Variants in GPR26 observed in about 807,000 individuals in gnomAD.
The protein encoded by GPR26 is G protein-coupled receptor 26.
Under a neutral mutation model 23.1 loss-of-function variants are expected in GPR26, and 15 were observed. The observed-to-expected ratio is 0.65, with a 90% confidence interval of 0.43 to 1.00. The LOEUF is 1.00. Among genes scored for constraint, GPR26 ranks in the 50% least tolerant of loss-of-function variants. The pLI is 0.00. For synonymous variants in GPR26, 228 were observed against 222.1 expected (o/e 1.03, Z -0.24); for missense variants, 359 against 470.5 (o/e 0.76, Z 2.19).
In GPR26 at chr10:123,689,484, C is replaced by G. The variant is rs1845468441; in HGVS notation, c.*1324C>G. The G allele has an allele frequency of 1.3e-5, 2 of 152,176 alleles. No individual in the cohort carries two copies. The highest frequency in any genetic ancestry group is 2.9e-5 in the Non-Finnish European group (2 of 68,050). The allele number at this position is 152,176 out of a possible 1,614,324, so 9.4% of individuals were successfully genotyped here. On this transcript the variant is annotated 3_prime_UTR_variant, in exon 3 of 3. Transcript: ENST00000284674. The stretch of plus-strand genomic sequence containing the variant: ...TGCTTTCTGGCCATCTCTTCTTTGT[C>G]TACCATTTCAAATTGACTTGTGAAT...
chr10:123,681,515 G>A (rs905325439), intron 2 of GPR26, among the ~76,000 whole-genome samples: 3 of 152,206 alleles, frequency 2.0e-5, no homozygotes, highest in Non-Finnish European at 2.9e-5. Context: ...CACCCGCCTT[G>A]TACCTTATAA....
chr10:123,678,137 T>C (rs1408664755), intron 2 of GPR26, among the ~76,000 whole-genome samples: 1 of 152,200 alleles, frequency 6.6e-6, no homozygotes, highest in East Asian at 1.9e-4. Context: ...AGTGAAATGA[T>C]AAAGTTAAAT....
rs904125026 is a variant in GPR26 at position 123,697,311 on chromosome 10, T to C, written c.*9151T>C. Among the ~76,000 whole-genome samples the C allele has an allele frequency of 6.6e-6, 1 of 152,192 alleles. No homozygotes were observed. The highest frequency in any genetic ancestry group is 2.4e-5 in the African/African-American group (1 of 41,450). On this transcript the variant is annotated 3_prime_UTR_variant, in exon 3 of 3. Transcript: ENST00000284674. The stretch of plus-strand genomic sequence containing the variant: ...TGTTTTGTGGATACATATCAAATGC[T>C]GTAATATATTTTTATGATAGAATTG...
chr10:123,684,266 A>G (rs1329310728), intron 2 of GPR26, among the ~76,000 whole-genome samples: 1 of 152,106 alleles, frequency 6.6e-6, no homozygotes, highest in Admixed American at 6.5e-5. Context: ...GAGGGTGGCA[A>G]GGGGCGGCAC....
In GPR26 at chr10:123,696,727, G is replaced by A. The variant is rs537297772; in HGVS notation, c.*8567G>A. Among the ~76,000 whole-genome samples, 133 of 152,326 alleles carry A rather than the reference G, an allele frequency of 8.7e-4. 1 individual carries two copies. The highest frequency in any genetic ancestry group is 3.0e-3 in the African/African-American group (123 of 41,570). Reference sequence around the variant, plus strand: ...GACATCTGTGTGTTTGTGTTGGAGTGAATGTGCCCATAACCCTGTGCTCCC... The same window carrying A: ...GACATCTGTGTGTTTGTGTTGGAGTAAATGTGCCCATAACCCTGTGCTCCC... On this transcript the variant is annotated 3_prime_UTR_variant, in exon 3 of 3. Transcript: ENST00000284674.
In GPR26 at chr10:123,686,157, A is replaced by G. The variant is rs538886569; in HGVS notation, c.783-1772A>G. On this transcript the variant is annotated intron_variant, in intron 2 of 2. Coordinates refer to ENST00000284674, the MANE Select transcript of GPR26 (RefSeq NM_153442.4). ...GGTTTGATGATATCTGGTTCTTTCA[A>G]TAAATCCTTTTGGGAGAGCCAAAAT... Among the ~76,000 whole-genome samples the G allele has an allele frequency of 2.0e-5, 3 of 152,362 alleles. 1 individual carries two copies. Among genetic ancestry groups the G allele is most frequent in the South Asian group, 2.1e-4 (1 of 4,828 alleles).
At chr10:123,668,967 G>GCAAA (rs1845220623) in intron 1 of GPR26, among the ~76,000 whole-genome samples, 1 of 152,216 alleles carries the variant, frequency 6.6e-6, no homozygotes, top group Non-Finnish European at 1.5e-5. Context: ...CCCTCTGGCC[G>GCAAA]ATGTCAGGCC....
At chr10:123,667,561 CTGTGTGTG>C (rs71026066) in intron 1 of GPR26, among the ~76,000 whole-genome samples, 5,755 of 125,018 alleles carry the variant, frequency 0.046, 175 homozygotes, top group Non-Finnish European at 0.059. Flanking sequence ...TGTCTCACGA[CTGTGTGTG>C]TGTGTGTGTG....
chr10:123,687,010 C>T (rs1845436926), intron 2 of GPR26, among the ~76,000 whole-genome samples: 1 of 151,992 alleles, frequency 6.6e-6, no homozygotes, highest in African/African-American at 2.4e-5. Context: ...GAGTAAATGG[C>T]CTGATTTGGG....
chr10:123,683,433 G>T (rs1387046212), intron 2 of GPR26, among the ~76,000 whole-genome samples: 1 of 152,268 alleles, frequency 6.6e-6, no homozygotes, highest in Non-Finnish European at 1.5e-5. Context: ...GTCAGGGGCT[G>T]CAGGGGTTAT....
intron 2 of GPR26, among the ~76,000 whole-genome samples, chr10:123,675,833 C>CGTGTGTGTGTATGTGTGT (rs1845302851): frequency 3.0e-5 from 4 of 134,096 alleles, no homozygotes; most frequent in Non-Finnish European, 6.4e-5. Context: ...TGTGTGTGTA[C>CGTGTGTGTGTATGTGTGT]GTGTGTGTGT....
At chr10:123,672,164 C>T (rs1439486846) in intron 1 of GPR26, among the ~76,000 whole-genome samples, 1 of 152,176 alleles carries the variant, frequency 6.6e-6, no homozygotes, top group Non-Finnish European at 1.5e-5. Context: ...AGTGATGTGG[C>T]TCCTGACTAG....
chr10:123,675,790 A>G, intron 2 of GPR26, among the ~76,000 whole-genome samples: 1 of 63,642 alleles, frequency 1.6e-5, no homozygotes, highest in Non-Finnish European at 3.3e-5. Context: ...GCATCTGTGC[A>G]GGGTTTTCTG....
chr10:123,675,798 C>CTGTGTGTGTGTGTGTGTGTGTGTACG (rs57869785), intron 2 of GPR26, among the ~76,000 whole-genome samples: 15 of 142,632 alleles, frequency 1.1e-4, no homozygotes, highest in Non-Finnish European at 2.1e-4. Context: ...GCAGGGTTTT[C>CTGTGTGTGTGTGTGTGTGTGTGTACG]TGTGTGTGTG....
At chr10:123,682,050 CA>C (rs1845383688) in intron 2 of GPR26, among the ~76,000 whole-genome samples, 2 of 152,178 alleles carry the variant, frequency 1.3e-5, no homozygotes, top group South Asian at 4.1e-4. Flanking sequence ...GCCACAACAC[CA>C]AAGACTGGGG....
chr10:123,672,725 C>T (rs1025356457), intron 1 of GPR26, among the ~76,000 whole-genome samples: 10 of 152,160 alleles, frequency 6.6e-5, no homozygotes, highest in Admixed American at 4.6e-4. Context: ...AGTGACGAAC[C>T]GTCCTGGTTT....
chr10:123,667,053 C>G lies in GPR26; in HGVS notation c.646C>G (p.Leu216Val), dbSNP rs1845195263. 6.3e-7 allele frequency: 1 copy of G among 1,595,862 alleles called. No individual in the cohort carries two copies. Among genetic ancestry groups the G allele is most frequent in the Admixed American group, 1.7e-5 (1 of 57,828 alleles). Reference protein sequence around the residue: ...IDVITMQTLVLLVDLHPSVRE... With the variant: ...IDVITMQTLVVLVDLHPSVRE... ...CGTGATCACCATGCAGACGCTGGTG[C>G]TGCTGGTGGACCTGCACCCCAGGTG... The change falls in exon 1 of 3, where the codon CTG becomes GTG. Residue 216 changes from leucine to valine, a missense_variant. By Grantham distance (32) the Leu-to-Val change is conservative. Coordinates refer to ENST00000284674, the MANE Select transcript of GPR26 (RefSeq NM_153442.4).
chr10:123,677,474 G>T (rs954322722), intron 2 of GPR26, among the ~76,000 whole-genome samples: 2 of 152,206 alleles, frequency 1.3e-5, no homozygotes, highest in Non-Finnish European at 2.9e-5. Flanking sequence ...TCTCATGTGT[G>T]TGGAGGTGCC....
chr10:123,686,044 C>A (rs1461821882), intron 2 of GPR26, among the ~76,000 whole-genome samples: 1 of 152,204 alleles, frequency 6.6e-6, no homozygotes, highest in African/African-American at 2.4e-5. Context: ...TCTTAATTAT[C>A]TAAATGGTGA....
Sources: gnomAD v4.1 joint callset for allele counts (sites outside exome capture counted in the v4.1 genomes callset) on GRCh38, gnomAD v4.1.1 for gene constraint, MANE v1.5 for transcripts, NCBI Gene and HGNC (gene_info 2026-07-23, HGNC 2026-07-21) for gene names.